Variants in SYT9 observed in about 807,000 individuals in gnomAD.
SYT9 encodes the protein synaptotagmin-9.
A neutral mutation model predicts 48.4 loss-of-function variants in SYT9; 22 were observed. The observed-to-expected ratio is 0.45, with a 90% confidence interval of 0.32 to 0.65. The LOEUF is 0.65. Among genes scored for constraint, SYT9 ranks in the 30% least tolerant of loss-of-function variants. The probability of loss-of-function intolerance (pLI) is 0.03; values close to 1 mark genes in which losing one functional copy is unlikely to be tolerated. For missense variants in SYT9, 577 were observed against 622.0 expected (o/e 0.93, Z 0.77); for synonymous variants, 265 against 245.0 (o/e 1.08, Z -0.76).
intron 3 of SYT9, among the ~76,000 whole-genome samples, chr11:7,376,255 CTT>C (rs1283781658): frequency 6.6e-6 from 1 of 151,348 alleles, no homozygotes; most frequent in African/African-American, 2.4e-5. Flanking sequence ...ACCTGTTTCT[CTT>C]TCTCTCTCTC....
At chr11:7,362,548 C>A (rs113311566) in intron 3 of SYT9, among the ~76,000 whole-genome samples, 7,120 of 152,210 alleles carry the variant, frequency 0.047, 445 homozygotes, top group African/African-American at 0.14. Flanking sequence ...GCCCCAAACC[C>A]AATTGAAATT....
At chr11:7,369,040 AC>A (rs1462819596) in intron 3 of SYT9, among the ~76,000 whole-genome samples, 3 of 152,046 alleles carry the variant, frequency 2.0e-5, no homozygotes, top group African/African-American at 4.8e-5. Flanking sequence ...TGGTTCTAAA[AC>A]CTTGAGGAAT....
intron 3 of SYT9, among the ~76,000 whole-genome samples, chr11:7,317,741 C>G (rs1849266793): frequency 6.6e-6 from 1 of 152,184 alleles, no homozygotes; most frequent in Admixed American, 6.5e-5. Flanking sequence ...ATAATATGCA[C>G]TGTATGCTCT....
chr11:7,244,078 C>T lies in SYT9; in HGVS notation c.49+5162C>T, dbSNP rs565803094. Among the ~76,000 whole-genome samples the T allele has an allele frequency of 3.9e-5, 6 of 152,262 alleles. 1 individual carries two copies. In the South Asian group the frequency reaches 1.2e-3, roughly 32 times the overall value. ...GAAACGATGAACAAATGTAAAACCA[C>T]GAGAATCTACTAAGAGACGGCAGAG... On this transcript the variant is annotated intron_variant and NMD_transcript_variant, in intron 1 of 8. Transcript: ENST00000524820.
chr11:7,437,182 ATTTCTC>A (rs1407956644), intron 6 of SYT9, among the ~76,000 whole-genome samples: 5 of 152,140 alleles, frequency 3.3e-5, no homozygotes, highest in Admixed American at 6.5e-5. Context: ...TAAGTTTCTC[ATTTCTC>A]TGGCTCTTGG....
At chr11:7,312,655 A>G (rs543325349) in intron 2 of SYT9, among the ~76,000 whole-genome samples, 4 of 152,326 alleles carry the variant, frequency 2.6e-5, no homozygotes, top group African/African-American at 9.6e-5. Flanking sequence ...GTATCCAGCC[A>G]TCTCCAGTTG....
At chr11:7,292,976 C>T (rs1400832176) in intron 1 of SYT9, among the ~76,000 whole-genome samples, 1 of 152,154 alleles carries the variant, frequency 6.6e-6, no homozygotes, top group East Asian at 1.9e-4. Context: ...GTTATGGACA[C>T]AAGAACTTAA....
At chr11:7,421,672 AC>A (rs139391353) in intron 6 of SYT9, among the ~76,000 whole-genome samples, 3,938 of 152,108 alleles carry the variant, frequency 0.026, 172 homozygotes, top group African/African-American at 0.089. Context: ...TTATTTATTC[AC>A]TAACTTGTTC....
chr11:7,249,970 T>G (rs1290309125), upstream of SYT9, among the ~76,000 whole-genome samples: 1 of 152,236 alleles, frequency 6.6e-6, no homozygotes, highest in Non-Finnish European at 1.5e-5. Flanking sequence ...GACTCCCCTC[T>G]GTACAATCTT....
intron 6 of SYT9, among the ~76,000 whole-genome samples, chr11:7,449,118 C>T (rs894242693): frequency 4.6e-5 from 7 of 151,752 alleles, no homozygotes; most frequent in Admixed American, 6.6e-5. Context: ...CCAAGGTGGG[C>T]GGATCACTTG....
intron 6 of SYT9, among the ~76,000 whole-genome samples, chr11:7,430,307 T>A (rs543468029): frequency 6.6e-6 from 1 of 152,226 alleles, no homozygotes; most frequent in African/African-American, 2.4e-5. Flanking sequence ...AGGGTTTCTA[T>A]AAAGCAAGGG....
At chr11:7,432,543 A>G (rs184470596) in intron 6 of SYT9, among the ~76,000 whole-genome samples, 2,435 of 101,224 alleles carry the variant, frequency 0.024, 107 homozygotes, top group African/African-American at 0.088. Context: ...GTGAGACTCC[A>G]TCTCAAAAAA....
intron 1 of SYT9, among the ~76,000 whole-genome samples, chr11:7,272,950 G>A (rs755386938): frequency 2.0e-5 from 3 of 152,176 alleles, no homozygotes; most frequent in Non-Finnish European, 4.4e-5. Flanking sequence ...AAGTTAGAGT[G>A]GGGGGTTGTT....
chr11:7,362,368 C>T (rs1850155847), intron 3 of SYT9, among the ~76,000 whole-genome samples: 1 of 152,088 alleles, frequency 6.6e-6, no homozygotes, highest in Non-Finnish European at 1.5e-5. Context: ...CTCCTGGCCT[C>T]AAGTGATCCT....
At chr11:7,415,276 G>A (rs1029016696) in intron 3 of SYT9, among the ~76,000 whole-genome samples, 1 of 152,092 alleles carries the variant, frequency 6.6e-6, no homozygotes, top group African/African-American at 2.4e-5. Context: ...CTGAATGTGT[G>A]GGCTCGCAGG....
chr11:7,315,760 G>T (rs1291312048), intron 3 of SYT9, among the ~76,000 whole-genome samples: 1 of 152,156 alleles, frequency 6.6e-6, no homozygotes, highest in African/African-American at 2.4e-5. Context: ...AGACCTTCTG[G>T]CCCTGAGATC....
At chr11:7,320,090 G>A (rs566042550) in intron 3 of SYT9, among the ~76,000 whole-genome samples, 3 of 152,216 alleles carry the variant, frequency 2.0e-5, no homozygotes, top group African/African-American at 7.2e-5. Flanking sequence ...TTATATATTT[G>A]TCTTTCAATT....
chr11:7,369,776 A>C (rs981299763), intron 3 of SYT9, among the ~76,000 whole-genome samples: 2 of 96,680 alleles, frequency 2.1e-5, no homozygotes, highest in Non-Finnish European at 4.1e-5. Context: ...CTACATACAC[A>C]CCACACACAC....
chr11:7,331,672 C>T (rs1402010117), intron 3 of SYT9, among the ~76,000 whole-genome samples: 1 of 152,100 alleles, frequency 6.6e-6, no homozygotes, highest in African/African-American at 2.4e-5. Flanking sequence ...CTGCAATGAA[C>T]CATGATTGTG....
Sources: allele counts gnomAD v4.1 joint callset (sites outside exome capture counted in the v4.1 genomes callset), GRCh38; gene constraint gnomAD v4.1.1; transcripts MANE v1.5; gene names NCBI Gene and HGNC (gene_info 2026-07-23, HGNC 2026-07-21).